Variants in SULF2 observed in about 807,000 individuals in gnomAD.
SULF2 encodes extracellular sulfatase Sulf-2.
Under a neutral mutation model 107.7 loss-of-function variants are expected in SULF2, and 52 were observed. The ratio of observed to expected loss-of-function variants is 0.48; its 90% CI spans 0.39 to 0.61. The LOEUF (loss-of-function observed/expected upper bound fraction) is 0.61, where lower values mean the gene tolerates loss of function less well. SULF2 is among the 20% of genes least tolerant of loss of function. The pLI is 0.00. For synonymous variants in SULF2, 460 were observed against 464.3 expected, an observed-to-expected ratio of 0.99 and a Z score of 0.12; for missense variants, 993 against 1,177.3, an observed-to-expected ratio of 0.84 and a Z score of 2.29.
chr20:47,745,046 T>C (rs1031203493), intron 2 of SULF2, among the ~76,000 whole-genome samples: 4 of 152,014 alleles, frequency 2.6e-5, no homozygotes, highest in Non-Finnish European at 4.4e-5. Flanking sequence ...GAGCACTGAA[T>C]TGAGAGGCCA....
intron 3 of SULF2, among the ~76,000 whole-genome samples, chr20:47,717,591 G>A (rs148494609): frequency 6.4e-4 from 97 of 152,224 alleles, no homozygotes; most frequent in African/African-American, 2.1e-3. Context: ...GACTATCTCC[G>A]AAGTGCTTTC....
Position 47,659,696 on chromosome 20 carries a change from C to T in SULF2, c.2528+1G>A. The T allele has an allele frequency of 6.2e-7, 1 of 1,611,754 alleles. No homozygotes were observed. The highest frequency in any genetic ancestry group is 8.5e-7 in the Non-Finnish European group (1 of 1,178,090). Reference sequence around the variant, plus strand: ...TAGGCTTTAATAATAAAACGAAATACCTGTATTGCTCATAGCTTCCTCCAT... The same window carrying T: ...TAGGCTTTAATAATAAAACGAAATATCTGTATTGCTCATAGCTTCCTCCAT... On this transcript the variant is annotated splice_donor_variant, in intron 19 of 20. Coordinates refer to ENST00000688720, the MANE Select transcript of SULF2 (RefSeq NM_001387048.1). LOFTEE classifies it high-confidence loss of function.
chr20:47,784,924 G>A (rs960245675), intron 1 of SULF2, among the ~76,000 whole-genome samples: 21 of 152,142 alleles, frequency 1.4e-4, no homozygotes, highest in Non-Finnish European at 2.5e-4. Context: ...GTCCTGCCCG[G>A]ACAAGCCCCA....
At chr20:47,690,381 A>G (rs1357900758) in intron 4 of SULF2, 86 bp from the exon 5 acceptor site, 6 of 1,102,580 alleles carry the variant, frequency 5.4e-6, no homozygotes, top group Non-Finnish European at 7.2e-6. Flanking sequence ...CCTGCTAGGC[A>G]CTGGGGACAC....
intron 2 of SULF2, among the ~76,000 whole-genome samples, chr20:47,752,259 A>C (rs2090173395): frequency 6.6e-6 from 1 of 152,222 alleles, no homozygotes; most frequent in African/African-American, 2.4e-5. Flanking sequence ...GGTATTCCTC[A>C]CAAGAATGCC....
chr20:47,734,523 T>G (rs1460674213), intron 3 of SULF2, among the ~76,000 whole-genome samples: 1 of 152,240 alleles, frequency 6.6e-6, no homozygotes, highest in African/African-American at 2.4e-5. Flanking sequence ...CATTTCCACT[T>G]TAAACAACAA....
intron 5 of SULF2, chr20:47,689,824 TTAAA>T (rs2088136483): frequency 7.9e-6 from 2 of 254,144 alleles, no homozygotes; most frequent in Admixed American, 5.5e-5. Flanking sequence ...TTTAGATGTC[TTAAA>T]TAAAATACAC....
chr20:47,684,432 G>A lies in SULF2; in HGVS notation c.887C>T (p.Thr296Met), dbSNP rs777131079. Residue 296 changes from threonine to methionine, a missense_variant and splice_region_variant, in exon 6 of 21, where the codon ACG becomes ATG. Thr to Met is a moderately conservative substitution (Grantham distance 81). This residue lies in a region of SULF2 where 388 missense variants were observed against 449.2 expected (regional missense o/e 0.86). Coordinates refer to ENST00000688720, the MANE Select transcript of SULF2 (RefSeq NM_001387048.1). The part of the protein sequence containing the change: ...TLMSVDDSME[T>M]IYNMLVETGE... ...AAGAGGCATGCAGCGGGCGCCTACC[G>A]TCTCCATGGAGTCGTCCACCGACAT... The A allele has an allele frequency of 1.2e-5, 19 of 1,607,942 alleles. No individual in the cohort carries two copies. Among genetic ancestry groups the A allele is most frequent in the Admixed American group, 5.0e-5 (3 of 59,470 alleles).
At position 47,745,405 on chromosome 20, in the gene SULF2, AAAAAAATATATATATATATATATAT is replaced by A. The variant is rs1200717470; in HGVS notation, c.176-8488_176-8464del. Among the ~76,000 whole-genome samples the A allele has an allele frequency of 2.9e-4, 6 of 20,782 alleles. No homozygotes were observed. In the East Asian group the frequency reaches 9.5e-3, roughly 33 times the overall value. The allele number at this position is 20,782 out of a possible 152,430, so 13.6% of individuals were successfully genotyped here. A position where few individuals can be genotyped will look rare whatever the true frequency, so the allele number is the denominator to read the frequency against. Reference sequence around the variant, plus strand: ...GGGAAAAAAAAAAAAAAAAAAAAAAAAAAAAATATATATATATATATATATATATATATATATATATATATATATA... The same window carrying A: ...GGGAAAAAAAAAAAAAAAAAAAAAAAATATATATATATATATATATATATA... On this transcript the variant is annotated intron_variant, in intron 2 of 20. Transcript: ENST00000688720.
intron 11 of SULF2, among the ~76,000 whole-genome samples, chr20:47,670,707 G>GAGAGC (rs2087438634): frequency 1.2e-3 from 1 of 828 alleles, no homozygotes; most frequent in Non-Finnish European, 2.0e-3. Context: ...AGAACGGGGT[G>GAGAGC]GGGGTGGGAG....
At chr20:47,732,311 G>A (rs1359925175) in intron 3 of SULF2, among the ~76,000 whole-genome samples, 10 of 152,192 alleles carry the variant, frequency 6.6e-5, no homozygotes, top group Non-Finnish European at 1.3e-4. Flanking sequence ...TGGTTGAGGA[G>A]GCCAAGACAC....
At chr20:47,702,498 G>C in intron 4 of SULF2, 21 bp downstream of exon 4, 1 of 1,608,120 alleles carries the variant, frequency 6.2e-7, no homozygotes, top group South Asian at 1.1e-5. Context: ...CCACTCCCAG[G>C]CTGGAAAGGT....
chr20:47,771,452 G>A (rs1214898541), intron 1 of SULF2, among the ~76,000 whole-genome samples: 18 of 152,118 alleles, frequency 1.2e-4, no homozygotes, highest in African/African-American at 4.3e-4. Flanking sequence ...TTATTTTTAA[G>A]TAGAAAGGAA....
intron 7 of SULF2, among the ~76,000 whole-genome samples, chr20:47,682,511 C>T (rs2087858159): frequency 6.6e-6 from 1 of 152,230 alleles, no homozygotes; most frequent in East Asian, 1.9e-4. Flanking sequence ...GAATGGCTGG[C>T]TGAGGGCTGC....
At chr20:47,670,178 C>T (rs993898596) in intron 11 of SULF2, among the ~76,000 whole-genome samples, 19 of 152,204 alleles carry the variant, frequency 1.2e-4, no homozygotes, top group South Asian at 6.2e-4. Flanking sequence ...CAATATCATC[C>T]GTCTTATAAA....
intron 18 of SULF2, among the ~76,000 whole-genome samples, chr20:47,660,359 T>G (rs2087025218): frequency 1.3e-5 from 2 of 152,260 alleles, no homozygotes; most frequent in Non-Finnish European, 2.9e-5. Context: ...ATCAGGCTCC[T>G]GACCAGAAGT....
intron 2 of SULF2, among the ~76,000 whole-genome samples, chr20:47,745,462 T>TATATAC (rs2090014083): frequency 2.0e-4 from 4 of 20,274 alleles, no homozygotes; most frequent in African/African-American, 1.8e-3. Context: ...TATATACACA[T>TATATAC]ACACACACAC....
At chr20:47,665,114 A>G in intron 14 of SULF2, 85 bp downstream of exon 14, 1 of 868,908 alleles carries the variant, frequency 1.2e-6, no homozygotes. Flanking sequence ...ATAAAAAATG[A>G]AAGGGGTCAA....
At chr20:47,671,746 G>A (rs902105556) in intron 11 of SULF2, among the ~76,000 whole-genome samples, 7 of 151,522 alleles carry the variant, frequency 4.6e-5, no homozygotes, top group Admixed American at 2.0e-4. Context: ...GATGGATCTC[G>A]CTCTGTTGCC....
Sources: allele counts gnomAD v4.1 joint callset (sites outside exome capture counted in the v4.1 genomes callset), GRCh38; gene constraint gnomAD v4.1.1; regional missense constraint gnomAD v4.1.1; transcripts MANE v1.5; gene names NCBI Gene and HGNC (gene_info 2026-07-23, HGNC 2026-07-21).